The following ATP8A1 variants were observed in gnomAD, a reference collection of about 807,000 sequenced individuals.
ATP8A1 encodes the protein ATPase phospholipid transporting 8A1, also known as phospholipid-transporting ATPase IA.
A neutral mutation model predicts 177.7 loss-of-function variants in ATP8A1; 90 were observed. The observed-to-expected ratio is 0.51, with a 90% CI of 0.43 to 0.60. ATP8A1 has a LOEUF of 0.60. ATP8A1 is among the 20% of genes least tolerant of loss of function. The pLI, the probability that ATP8A1 is intolerant of heterozygous loss-of-function variation, is 0.00. For synonymous variants in ATP8A1, 493 were observed against 485.9 expected, an observed-to-expected ratio of 1.01 and a Z score of -0.19; for missense variants, 1,072 against 1,392.8, an observed-to-expected ratio of 0.77 and a Z score of 3.67.
Position 42,629,974 on chromosome 4 carries a change from G to C in ATP8A1, c.50-2865C>G, listed in dbSNP as rs570506297. ...TTAATGAACCAACACTTTGAGGAAGGTAGGTAGCAATTTTGATCTCACAGC... is the reference window on the plus strand; with the variant it reads ...TTAATGAACCAACACTTTGAGGAAGCTAGGTAGCAATTTTGATCTCACAGC... On this transcript the variant is annotated intron_variant, in intron 1 of 36. Coordinates refer to ENST00000381668, the MANE Select transcript of ATP8A1 (RefSeq NM_006095.2). Among the ~76,000 whole-genome samples, 10 of 152,350 alleles carry C rather than the reference G, an allele frequency of 6.6e-5. No individual in the cohort carries two copies. The East Asian group carries it at 1.7e-3, about 26-fold the overall frequency.
chr4:42,489,624 T>C (rs1437914070), intron 24 of ATP8A1, among the ~76,000 whole-genome samples: 2 of 152,226 alleles, frequency 1.3e-5, no homozygotes, highest in Non-Finnish European at 2.9e-5. Flanking sequence ...TAAGCTCTGT[T>C]GTTAGCTGTG....
At chr4:42,420,568 C>T (rs972430427) in intron 35 of ATP8A1, among the ~76,000 whole-genome samples, 1 of 152,122 alleles carries the variant, frequency 6.6e-6, no homozygotes. Context: ...GGGGTCATTA[C>T]ACTGGCCTGA....
chr4:42,607,636 T>G (rs1396242382), intron 5 of ATP8A1, among the ~76,000 whole-genome samples: 1 of 151,706 alleles, frequency 6.6e-6, no homozygotes, highest in African/African-American at 2.4e-5. Flanking sequence ...CTACAGGTTT[T>G]TTTTTTTTTT....
intron 5 of ATP8A1, among the ~76,000 whole-genome samples, chr4:42,608,942 G>A (rs1195596337): frequency 6.6e-6 from 1 of 152,122 alleles, no homozygotes; most frequent in Non-Finnish European, 1.5e-5. Context: ...CCTCAGTGTG[G>A]CACAAACTGA....
chr4:42,555,593 G>A (rs1333559174), intron 16 of ATP8A1, among the ~76,000 whole-genome samples: 5 of 152,166 alleles, frequency 3.3e-5, no homozygotes, highest in African/African-American at 9.7e-5. Flanking sequence ...GGGAGGCTGA[G>A]GGGGTGGATC....
intron 6 of ATP8A1, among the ~76,000 whole-genome samples, chr4:42,600,275 TA>T (rs1277427573): frequency 6.6e-6 from 1 of 152,344 alleles, no homozygotes; most frequent in African/African-American, 2.4e-5. Flanking sequence ...AAGTTCTAGA[TA>T]TTTTTCAAAA....
At chr4:42,638,904 C>T (rs907698447) in intron 1 of ATP8A1, among the ~76,000 whole-genome samples, 5 of 152,138 alleles carry the variant, frequency 3.3e-5, no homozygotes, top group African/African-American at 7.2e-5. Flanking sequence ...ACTGACACTA[C>T]GGACTGGATT....
intron 16 of ATP8A1, among the ~76,000 whole-genome samples, chr4:42,554,235 G>A (rs562614300): frequency 2.9e-4 from 44 of 152,276 alleles, no homozygotes; most frequent in African/African-American, 8.7e-4. Flanking sequence ...GGGTGCTGGC[G>A]GTCTGGACTG....
intron 20 of ATP8A1, among the ~76,000 whole-genome samples, chr4:42,530,383 A>C (rs1727139916): frequency 6.6e-6 from 1 of 152,232 alleles, no homozygotes; most frequent in Non-Finnish European, 1.5e-5. Context: ...TCACTGGAAC[A>C]GACACTTACT....
chr4:42,525,274 G>C (rs574607267), intron 20 of ATP8A1, among the ~76,000 whole-genome samples: 2 of 152,252 alleles, frequency 1.3e-5, no homozygotes, highest in Non-Finnish European at 2.9e-5. Context: ...AATAATCCTC[G>C]GGGACTTTAA....
At position 42,446,772 on chromosome 4, in the gene ATP8A1, T is replaced by TTA. The variant is rs1560333433; in HGVS notation, c.2897-129_2897-128insTA. 3 of 548,536 alleles carry TTA rather than the reference T, an allele frequency of 5.5e-6. No individual in the cohort carries two copies. In the Admixed American group the frequency reaches 1.0e-4, roughly 19 times the overall value. 34.0% of individuals were successfully genotyped at this position (548,536 alleles called of 1,614,324 possible). ...TACACAATGGAGCCAGAAATGAGAT[T>TTA]AAAAAAAAAAACAACCCCAAACACT... On this transcript the variant is annotated intron_variant, in intron 30 of 36. Coordinates refer to ENST00000381668, the MANE Select transcript of ATP8A1 (RefSeq NM_006095.2).
At chr4:42,462,432 A>G (rs1224256365) in intron 27 of ATP8A1, among the ~76,000 whole-genome samples, 1 of 152,258 alleles carries the variant, frequency 6.6e-6, no homozygotes, top group Admixed American at 6.5e-5. Flanking sequence ...GAGTTCGGGC[A>G]GTGGCTTCAC....
chr4:42,468,911 T>C (rs576214676), intron 25 of ATP8A1, among the ~76,000 whole-genome samples: 2 of 152,350 alleles, frequency 1.3e-5, no homozygotes, highest in South Asian at 4.1e-4. Context: ...TGGAGATTCA[T>C]ACAAAATAAA....
chr4:42,513,022 T>G (rs2153195854), intron 22 of ATP8A1, among the ~76,000 whole-genome samples: 1 of 152,330 alleles, frequency 6.6e-6, no homozygotes, highest in Admixed American at 6.5e-5. Context: ...TGTAGCTGTG[T>G]TCCAGTAAAG....
chr4:42,578,224 T>C, intron 12 of ATP8A1, 36 bp downstream of exon 12: 1 of 1,527,672 alleles, frequency 6.5e-7, no homozygotes, highest in Non-Finnish European at 8.8e-7. Context: ...GACAAAATTA[T>C]TTTGTAGGGT....
At chr4:42,527,975 C>A (rs1726867926) in intron 20 of ATP8A1, among the ~76,000 whole-genome samples, 1 of 152,118 alleles carries the variant, frequency 6.6e-6, no homozygotes, top group Non-Finnish European at 1.5e-5. Flanking sequence ...TAACTTTGCA[C>A]TGGGGAAAGG....
At chr4:42,570,793 C>T (rs923366486) in intron 14 of ATP8A1, among the ~76,000 whole-genome samples, 82 of 152,204 alleles carry the variant, frequency 5.4e-4, no homozygotes, top group African/African-American at 1.7e-3. Context: ...AAGTTCTTCA[C>T]TTAATCAAAT....
chr4:42,646,748 C>T (rs1740579229), intron 1 of ATP8A1, among the ~76,000 whole-genome samples: 1 of 152,142 alleles, frequency 6.6e-6, no homozygotes, highest in Admixed American at 6.5e-5. Context: ...TTAAGCACAG[C>T]CCTAGATGGA....
chr4:42,524,120 C>A (rs1464165333), intron 21 of ATP8A1, among the ~76,000 whole-genome samples: 1 of 152,080 alleles, frequency 6.6e-6, no homozygotes, highest in Admixed American at 6.6e-5. Flanking sequence ...ACCCTCGCTG[C>A]CTTTCATCTA....
Sources: gnomAD v4.1 joint callset for allele counts (sites outside exome capture counted in the v4.1 genomes callset) on GRCh38, gnomAD v4.1.1 for gene constraint, MANE v1.5 for transcripts, NCBI Gene and HGNC (gene_info 2026-07-23, HGNC 2026-07-21) for gene names.